Variants in FBN2 observed in about 807,000 individuals in gnomAD.
FBN2 encodes fibrillin 2.
In FBN2, 105 loss-of-function variants were observed where a neutral mutation model predicts 355.6. That is an observed-to-expected ratio of 0.30 (90% CI 0.25 to 0.35). The LOEUF (loss-of-function observed/expected upper bound fraction) is 0.35. Among genes scored for constraint, FBN2 ranks in the 10% least tolerant of loss-of-function variants. The pLI is 1.00. For missense variants in FBN2, 3,280 were observed against 3,758.7 expected (o/e 0.87, Z 3.33); for synonymous variants, 1,350 against 1,301.2 (o/e 1.04, Z -0.81).
chr5:128,311,702 T>G (rs545139561), intron 38 of FBN2, among the ~76,000 whole-genome samples, 183 bp downstream of exon 38: 3 of 152,270 alleles, frequency 2.0e-5, no homozygotes, highest in East Asian at 3.9e-4. Context: ...AGACGTCAAA[T>G]CACTGCAATG....
chr5:128,283,580 C>G (rs1272873655), intron 55 of FBN2, among the ~76,000 whole-genome samples: 1 of 152,306 alleles, frequency 6.6e-6, no homozygotes, highest in East Asian at 1.9e-4. Context: ...GTCCAGTGTC[C>G]TGGGAAGGAG....
intron 45 of FBN2, among the ~76,000 whole-genome samples, chr5:128,303,698 G>A (rs1394506280): frequency 6.6e-6 from 1 of 152,166 alleles, no homozygotes; most frequent in Admixed American, 6.5e-5. Context: ...AAGGGTGGGG[G>A]CTGGTATTGT....
chr5:128,367,838 A>C (rs758203984), intron 16 of FBN2, among the ~76,000 whole-genome samples: 1 of 151,284 alleles, frequency 6.6e-6, no homozygotes, highest in Non-Finnish European at 1.5e-5. Flanking sequence ...AGTTTGGTAC[A>C]TTTTAGAACT....
chr5:128,309,524 G>A (rs1409976084), intron 40 of FBN2, 125 bp from the exon 41 acceptor site: 35 of 750,244 alleles, frequency 4.7e-5, no homozygotes, highest in Non-Finnish European at 4.5e-6. Flanking sequence ...TTAGTCATTT[G>A]AAGCTATCTT....
At chr5:128,291,106 C>T (rs953833965) in intron 49 of FBN2, among the ~76,000 whole-genome samples, 14 of 152,066 alleles carry the variant, frequency 9.2e-5, no homozygotes, top group African/African-American at 2.9e-4. Flanking sequence ...TAAGAAAATT[C>T]GAGAAATCAT....
At chr5:128,262,546 A>G (rs1238886351) in intron 63 of FBN2, among the ~76,000 whole-genome samples, 2 of 152,206 alleles carry the variant, frequency 1.3e-5, no homozygotes, top group Non-Finnish European at 2.9e-5. Flanking sequence ...CCATTGTTTC[A>G]GGGGCCTGAA....
intron 6 of FBN2, among the ~76,000 whole-genome samples, chr5:128,450,601 A>G (rs1048452656): frequency 6.6e-6 from 1 of 152,136 alleles, no homozygotes; most frequent in African/African-American, 2.4e-5. Flanking sequence ...AGCTTCTTAA[A>G]TCAATGATCT....
At chr5:128,390,253 A>G (rs1008550505) in intron 11 of FBN2, among the ~76,000 whole-genome samples, 1 of 152,212 alleles carries the variant, frequency 6.6e-6, no homozygotes, top group Non-Finnish European at 1.5e-5. Flanking sequence ...GACCTACAAG[A>G]AAGTTGGGGA....
At chr5:128,284,546 A>G (rs1183165818) in intron 55 of FBN2, among the ~76,000 whole-genome samples, 2 of 152,204 alleles carry the variant, frequency 1.3e-5, no homozygotes. Context: ...TACTGGCTGA[A>G]AAATAGTGTA....
At chr5:128,381,651 G>A (rs997976983) in intron 11 of FBN2, among the ~76,000 whole-genome samples, 2 of 152,064 alleles carry the variant, frequency 1.3e-5, no homozygotes, top group African/African-American at 4.8e-5. Context: ...ACTAAGCTAA[G>A]TCTCTATGAA....
At chr5:128,393,023 A>C in intron 10 of FBN2, 112 bp downstream of exon 10, 1 of 867,948 alleles carries the variant, frequency 1.2e-6, no homozygotes, top group Non-Finnish European at 2.0e-6. Context: ...ACACACACAC[A>C]CATGTGCAAG....
intron 41 of FBN2, among the ~76,000 whole-genome samples, chr5:128,307,864 C>T (rs1284581433): frequency 6.6e-6 from 1 of 151,886 alleles, no homozygotes; most frequent in Admixed American, 6.6e-5. Flanking sequence ...GAGTAAAACT[C>T]CTGAAAACAG....
At chr5:128,365,693 A>G (rs1751748296) in intron 17 of FBN2, among the ~76,000 whole-genome samples, 2 of 150,232 alleles carry the variant, frequency 1.3e-5, no homozygotes, top group African/African-American at 4.9e-5. Flanking sequence ...TATACTCTTC[A>G]TATATACATA....
At chr5:128,324,583 T>C (rs556937855) in intron 34 of FBN2, among the ~76,000 whole-genome samples, 4 of 152,156 alleles carry the variant, frequency 2.6e-5, no homozygotes, top group Non-Finnish European at 5.9e-5. Flanking sequence ...AGTTTCCATA[T>C]AGTTGTGCAG....
intron 2 of FBN2, 75 bp downstream of exon 2, chr5:128,536,327 G>T: frequency 1.8e-6 from 2 of 1,120,106 alleles, no homozygotes; most frequent in Non-Finnish European, 2.7e-6. Flanking sequence ...GCGTCCAAAT[G>T]GCTGAGTGCA....
chr5:128,498,577 CAA>C (rs2127136245), intron 5 of FBN2, among the ~76,000 whole-genome samples: 1 of 152,264 alleles, frequency 6.6e-6, no homozygotes, highest in African/African-American at 2.4e-5. Flanking sequence ...TATATTTTTA[CAA>C]GAGAGAGCTC....
chr5:128,272,982 T>C (rs527390521), intron 61 of FBN2, among the ~76,000 whole-genome samples: 1 of 152,108 alleles, frequency 6.6e-6, no homozygotes, highest in Non-Finnish European at 1.5e-5. Flanking sequence ...GAGATACATA[T>C]AAAAGCCCCA....
intron 7 of FBN2, among the ~76,000 whole-genome samples, chr5:128,412,770 G>C (rs547246788): frequency 6.6e-6 from 1 of 152,176 alleles, no homozygotes; most frequent in Non-Finnish European, 1.5e-5. Flanking sequence ...TAGTGTCTAT[G>C]AAGGAGTTTA....
intron 7 of FBN2, among the ~76,000 whole-genome samples, chr5:128,424,070 T>C (rs1440454995): frequency 1.3e-5 from 2 of 152,120 alleles, no homozygotes; most frequent in Non-Finnish European, 1.5e-5. Context: ...GTGGGTGTAG[T>C]GGAGCTGAAG....
Sources: gnomAD v4.1 joint callset for allele counts (sites outside exome capture counted in the v4.1 genomes callset) on GRCh38, gnomAD v4.1.1 for gene constraint, MANE v1.5 for transcripts, NCBI Gene and HGNC (gene_info 2026-07-23, HGNC 2026-07-21) for gene names.